Variants in ETNK1 observed in about 807,000 individuals in gnomAD.
The protein encoded by ETNK1 is ethanolamine kinase 1, also known as putative protein product of Nbla10396.
Under a neutral mutation model 45.1 loss-of-function variants are expected in ETNK1, and 8 were observed. The observed-to-expected ratio is 0.18, with a 90% confidence interval of 0.10 to 0.32. The LOEUF (loss-of-function observed/expected upper bound fraction) is 0.32. Among genes scored for constraint, ETNK1 ranks in the 10% least tolerant of loss-of-function variants. The probability of loss-of-function intolerance (pLI) is 1.00; values close to 1 mark genes in which losing one functional copy is unlikely to be tolerated. For missense variants in ETNK1, 302 were observed against 430.6 expected, an observed-to-expected ratio of 0.70 and a Z score of 2.64; for synonymous variants, 152 against 151.9, an observed-to-expected ratio of 1.00 and a Z score of -0.01.
chr12:22,625,765 G>T (rs1458065508), intron 1 of ETNK1, 179 bp downstream of exon 1: 7 of 947,158 alleles, frequency 7.4e-6, no homozygotes, highest in Admixed American at 6.0e-5. Flanking sequence ...CCCCCTTCCC[G>T]TCGCAGTTGC....
intron 3 of ETNK1, 27 bp from the exon 4 acceptor site, chr12:22,661,036 A>G (rs61921420): frequency 0.018 from 28,740 of 1,590,484 alleles, 388 homozygotes; most frequent in Middle Eastern, 0.037. Context: ...GTCACACAAG[A>G]TATAACTCTT....
chr12:22,643,646 G>A, intron 1 of ETNK1, 117 bp from the exon 2 acceptor site: 2 of 682,420 alleles, frequency 2.9e-6, no homozygotes, highest in Middle Eastern at 5.9e-4. Context: ...GTTCTTTTAT[G>A]TGAAGAAGTT....
intron 1 of ETNK1, among the ~76,000 whole-genome samples, chr12:22,639,243 G>A (rs1279535018): frequency 6.6e-6 from 1 of 151,662 alleles, no homozygotes; most frequent in Non-Finnish European, 1.5e-5. Context: ...TAGAGAAGTG[G>A]GGTTTTACCA....
chr12:22,636,131 G>T (rs757604884), intron 1 of ETNK1, among the ~76,000 whole-genome samples: 3 of 152,122 alleles, frequency 2.0e-5, no homozygotes, highest in Non-Finnish European at 4.4e-5. Flanking sequence ...TCACTGCACT[G>T]CAGCCTGGGT....
chr12:22,646,388 G>C lies in ETNK1; in HGVS notation c.416+2366G>C, dbSNP rs535524355. Among the ~76,000 whole-genome samples the C allele has an allele frequency of 7.2e-5, 11 of 151,812 alleles. No individual in the cohort carries two copies. In the South Asian group the frequency reaches 1.7e-3, roughly 23 times the overall value. On this transcript the variant is annotated intron_variant, in intron 2 of 7. Transcript: ENST00000266517. ...CAAGTAAGCAGATCAGTAGACCATG[G>C]TCTGGAGCCCCAAGAAGAGGTTAAA... is the stretch of plus-strand genomic sequence containing the variant.
chr12:22,682,185 T>C (rs1954220675), intron 6 of ETNK1: 1 of 260,352 alleles, frequency 3.8e-6, no homozygotes, highest in Non-Finnish European at 7.8e-6. Flanking sequence ...TATGTTGATA[T>C]CACCACCAGT....
At chr12:22,636,775 A>G (rs1246188912) in intron 1 of ETNK1, among the ~76,000 whole-genome samples, 10 of 152,194 alleles carry the variant, frequency 6.6e-5, no homozygotes, top group Non-Finnish European at 1.5e-5. Context: ...TAACATCTAC[A>G]TTGTATTAGG....
At chr12:22,644,793 A>C (rs2137536091) in intron 2 of ETNK1, among the ~76,000 whole-genome samples, 1 of 152,108 alleles carries the variant, frequency 6.6e-6, no homozygotes, top group East Asian at 1.9e-4. Context: ...TGAAAGGTAC[A>C]CTGTACACTT....
chr12:22,653,522 T>C (rs1953903575), intron 2 of ETNK1, among the ~76,000 whole-genome samples: 1 of 152,162 alleles, frequency 6.6e-6, no homozygotes, highest in African/African-American at 2.4e-5. Flanking sequence ...TGTATTTAAT[T>C]TTTTTCAGCA....
At position 22,661,047 on chromosome 12, in the gene ETNK1, C is replaced by T. The variant is rs765405801; in HGVS notation, c.558-16C>T. The T allele has an allele frequency of 1.4e-5, 22 of 1,593,840 alleles. No individual in the cohort carries two copies. The highest frequency in any genetic ancestry group is 1.8e-5 in the Non-Finnish European group (21 of 1,173,778). ...AAATGTCACACAAGATATAACTCTT[C>T]TTTTAAAACTAAAAGGTTCCTAAGT... On this transcript the variant is annotated splice_polypyrimidine_tract_variant and intron_variant, in intron 3 of 7. Transcript: ENST00000266517.
intron 6 of ETNK1, among the ~76,000 whole-genome samples, chr12:22,680,690 A>G (rs1954205521): frequency 6.6e-6 from 1 of 152,228 alleles, no homozygotes; most frequent in African/African-American, 2.4e-5. Context: ...GGTCTGAATG[A>G]TAAGATCAGG....
At position 22,690,282 on chromosome 12, in the gene ETNK1, T is replaced by C. The variant is rs532482586; in HGVS notation, c.*5328T>C. 21 of 152,666 alleles carry C rather than the reference T, an allele frequency of 1.4e-4. No homozygotes were observed. Among genetic ancestry groups the C allele is most frequent in the African/African-American group, 4.6e-4 (19 of 41,566 alleles). 9.5% of individuals were successfully genotyped at this position (152,666 alleles called of 1,614,324 possible). A position where few individuals can be genotyped will look rare whatever the true frequency, so the allele number is the denominator to read the frequency against. On this transcript the variant is annotated 3_prime_UTR_variant, in exon 8 of 8. Transcript: ENST00000266517. ...TGCTATGCCTCAGAAAATATCTGTC[T>C]GAGAATTTGTTAATCTGTTTGATAA...
chr12:22,681,580 A>C (rs1954216318), intron 6 of ETNK1, among the ~76,000 whole-genome samples: 1 of 151,996 alleles, frequency 6.6e-6, no homozygotes. Context: ...TGTTTTTGTG[A>C]AATAATTAAC....
intron 1 of ETNK1, among the ~76,000 whole-genome samples, chr12:22,637,979 G>A (rs1474629333): frequency 6.6e-6 from 1 of 151,908 alleles, no homozygotes; most frequent in Non-Finnish European, 1.5e-5. Flanking sequence ...TAAAAATAAG[G>A]AATTAAATAA....
At chr12:22,670,497 G>A (rs1475226755) in intron 4 of ETNK1, among the ~76,000 whole-genome samples, 2 of 151,942 alleles carry the variant, frequency 1.3e-5, no homozygotes, top group Non-Finnish European at 2.9e-5. Flanking sequence ...CTGAGTAGTA[G>A]TATGAAAGAA....
chr12:22,661,024 AT>A, intron 3 of ETNK1, 38 bp from the exon 4 acceptor site: 1 of 1,566,854 alleles, frequency 6.4e-7, no homozygotes, highest in South Asian at 1.2e-5. Flanking sequence ...CTTGAAAAAA[AT>A]GTCACACAAG....
Position 22,690,483 on chromosome 12 carries a change from A to C in ETNK1, c.*5529A>C, listed in dbSNP as rs970792737. ...GGTTAAGTAAAAATACATTTTCACT[A>C]TGTGTTCATAAACTTTTAATGAAGC... On this transcript the variant is annotated 3_prime_UTR_variant, in exon 8 of 8. Transcript: ENST00000266517. 1 of 152,570 alleles carries C rather than the reference A, an allele frequency of 6.6e-6. No individual in the cohort carries two copies. Among genetic ancestry groups the C allele is most frequent in the Non-Finnish European group, 1.5e-5 (1 of 67,982 alleles). The allele number at this position is 152,570 out of a possible 1,614,324, so 9.5% of individuals were successfully genotyped here.
At chr12:22,642,858 T>C (rs1953756652) in intron 1 of ETNK1, among the ~76,000 whole-genome samples, 1 of 152,044 alleles carries the variant, frequency 6.6e-6, no homozygotes, top group Admixed American at 6.6e-5. Flanking sequence ...AGTTCTAGTG[T>C]CAGATTAATA....
chr12:22,631,256 C>T (rs1953576970), intron 1 of ETNK1, among the ~76,000 whole-genome samples: 1 of 151,672 alleles, frequency 6.6e-6, no homozygotes, highest in South Asian at 2.1e-4. Context: ...CTCACCGCAA[C>T]CTCTGCCTCC....
Sources: allele counts gnomAD v4.1 joint callset (sites outside exome capture counted in the v4.1 genomes callset), GRCh38; gene constraint gnomAD v4.1.1; transcripts MANE v1.5; gene names NCBI Gene and HGNC (gene_info 2026-07-23, HGNC 2026-07-21).